The following KCND2 variants were observed in gnomAD, a reference collection of about 807,000 sequenced individuals.
The protein encoded by KCND2 is A-type voltage-gated potassium channel KCND2.
KCND2 carries 16 observed loss-of-function variants against 54.4 expected under a neutral mutation model. The ratio of observed to expected loss-of-function variants is 0.29; its 90% CI spans 0.20 to 0.45. The LOEUF is 0.45. Among genes scored for constraint, KCND2 ranks in the 20% least tolerant of loss-of-function variants. The pLI, the probability that KCND2 is intolerant of heterozygous loss-of-function variation, is 1.00. For synonymous variants in KCND2, 317 were observed against 310.7 expected (o/e 1.02, Z -0.21); for missense variants, 486 against 824.2 (o/e 0.59, Z 5.02).
chr7:120,742,153 GCT>G (rs1239965660), intron 3 of KCND2, among the ~76,000 whole-genome samples: 1 of 152,028 alleles, frequency 6.6e-6, no homozygotes, highest in Admixed American at 6.6e-5. Context: ...TTACAAAATA[GCT>G]TTTATTTACG....
intron 1 of KCND2, among the ~76,000 whole-genome samples, chr7:120,311,947 T>G (rs1799741288): frequency 6.6e-6 from 1 of 152,154 alleles, no homozygotes; most frequent in Non-Finnish European, 1.5e-5. Flanking sequence ...TCTTGTTCCC[T>G]AGACTGGAGT....
chr7:120,378,063 A>G (rs1016375269), intron 1 of KCND2, among the ~76,000 whole-genome samples: 3 of 151,998 alleles, frequency 2.0e-5, no homozygotes, highest in Non-Finnish European at 4.4e-5. Context: ...TGAATAATGA[A>G]TGAATGAACA....
chr7:120,420,591 G>T (rs1459115320), intron 1 of KCND2, among the ~76,000 whole-genome samples: 1 of 152,092 alleles, frequency 6.6e-6, no homozygotes, highest in African/African-American at 2.4e-5. Context: ...GTTTCAGAAG[G>T]GTGCATATCC....
At chr7:120,509,198 G>A (rs563325247) in intron 1 of KCND2, among the ~76,000 whole-genome samples, 4 of 151,942 alleles carry the variant, frequency 2.6e-5, no homozygotes, top group Non-Finnish European at 4.4e-5. Flanking sequence ...TAAATGTGAT[G>A]TGGTATTCTG....
intron 1 of KCND2, among the ~76,000 whole-genome samples, chr7:120,551,128 T>G (rs189748654): frequency 2.4e-4 from 37 of 152,182 alleles, no homozygotes; most frequent in Non-Finnish European, 3.8e-4. Context: ...TTTATACCAT[T>G]TTCAAGAGAG....
intron 1 of KCND2, among the ~76,000 whole-genome samples, chr7:120,478,838 G>T (rs2116275608): frequency 6.6e-6 from 1 of 152,112 alleles, no homozygotes; most frequent in Non-Finnish European, 1.5e-5. Context: ...TGAAGATTTT[G>T]TAAGTATAGC....
chr7:120,334,272 G>A (rs76727579), intron 1 of KCND2, among the ~76,000 whole-genome samples: 1,546 of 152,218 alleles, frequency 0.01, 18 homozygotes, highest in Non-Finnish European at 0.017. Flanking sequence ...TTGCCATTTC[G>A]AAGAGTGATT....
At chr7:120,618,593 C>T (rs1415412151) in intron 1 of KCND2, among the ~76,000 whole-genome samples, 1 of 151,710 alleles carries the variant, frequency 6.6e-6, no homozygotes, top group Non-Finnish European at 1.5e-5. Flanking sequence ...AAAATACATA[C>T]AATTATTTTA....
chr7:120,274,187 TC>T lies in KCND2; in HGVS notation c.-443del. ...GAGTGAGAAGGGTAGGTGTAAGGGTTCCCTAATTCGTCGAAAGAATTCTATT... is the reference window on the plus strand; with the variant it reads ...GAGTGAGAAGGGTAGGTGTAAGGGTTCCTAATTCGTCGAAAGAATTCTATT... On this transcript the variant is annotated 5_prime_UTR_variant, in exon 1 of 6. Coordinates refer to ENST00000331113, the MANE Select transcript of KCND2 (RefSeq NM_012281.3). 5.2e-6 allele frequency: 1 copy of T among 193,574 alleles called. No individual in the cohort carries two copies. The highest frequency in any genetic ancestry group is 1.1e-5 in the Non-Finnish European group (1 of 92,536). 12.0% of individuals were successfully genotyped at this position (193,574 alleles called of 1,614,324 possible).
intron 1 of KCND2, among the ~76,000 whole-genome samples, chr7:120,442,939 C>T (rs1464075290): frequency 2.0e-5 from 3 of 152,132 alleles, no homozygotes; most frequent in Non-Finnish European, 4.4e-5. Context: ...CTAATGGCTA[C>T]TTCACTTTAC....
chr7:120,450,110 C>A (rs1272481372), intron 1 of KCND2, among the ~76,000 whole-genome samples: 1 of 152,114 alleles, frequency 6.6e-6, no homozygotes, highest in African/African-American at 2.4e-5. Flanking sequence ...AATAGGGGTT[C>A]AGTAAAAATT....
intron 1 of KCND2, among the ~76,000 whole-genome samples, chr7:120,698,502 A>G (rs1792360095): frequency 6.6e-6 from 1 of 152,260 alleles, no homozygotes; most frequent in Non-Finnish European, 1.5e-5. Context: ...ATAAAACAGT[A>G]AGAAAAAGTG....
intron 1 of KCND2, among the ~76,000 whole-genome samples, chr7:120,728,864 TA>T (rs747696964): frequency 2.6e-4 from 40 of 152,248 alleles, no homozygotes; most frequent in Middle Eastern, 6.8e-3. Flanking sequence ...AAATGAGATA[TA>T]TTTTTTTATA....
intron 1 of KCND2, among the ~76,000 whole-genome samples, chr7:120,554,835 G>A (rs1482814494): frequency 6.6e-6 from 1 of 152,148 alleles, no homozygotes; most frequent in Non-Finnish European, 1.5e-5. Flanking sequence ...GAATTATACC[G>A]TTAGCTGCTG....
chr7:120,720,276 T>C (rs1277070753), intron 1 of KCND2, among the ~76,000 whole-genome samples: 1 of 152,094 alleles, frequency 6.6e-6, no homozygotes, highest in African/African-American at 2.4e-5. Flanking sequence ...CACTACTGGG[T>C]TTCCAATCTG....
intron 1 of KCND2, among the ~76,000 whole-genome samples, chr7:120,295,379 C>G (rs199705587): frequency 3.9e-5 from 5 of 127,982 alleles, no homozygotes; most frequent in East Asian, 8.3e-4. Flanking sequence ...CACACACACA[C>G]ACACACACAC....
At chr7:120,523,702 C>CACACTGTG (rs1491350289) in intron 1 of KCND2, among the ~76,000 whole-genome samples, 17 of 111,022 alleles carry the variant, frequency 1.5e-4, no homozygotes, top group African/African-American at 6.9e-4. Context: ...CACACACACA[C>CACACTGTG]TCTGTGTGTG....
chr7:120,550,386 G>T (rs1046193773), intron 1 of KCND2, among the ~76,000 whole-genome samples: 1 of 152,024 alleles, frequency 6.6e-6, no homozygotes, highest in Non-Finnish European at 1.5e-5. Flanking sequence ...TCTTAGCCCA[G>T]TGATCAGAAT....
intron 1 of KCND2, among the ~76,000 whole-genome samples, chr7:120,400,567 G>A (rs2116079017): frequency 6.6e-6 from 1 of 152,164 alleles, no homozygotes; most frequent in East Asian, 1.9e-4. Flanking sequence ...AATTGTTTGT[G>A]AAATCAATTA....
Sources: allele counts gnomAD v4.1 joint callset (sites outside exome capture counted in the v4.1 genomes callset), GRCh38; gene constraint gnomAD v4.1.1; transcripts MANE v1.5; gene names NCBI Gene and HGNC (gene_info 2026-07-23, HGNC 2026-07-21).